Variants in KCNN3 observed in about 807,000 individuals in gnomAD.
KCNN3 encodes the protein potassium calcium-activated channel subfamily N member 3.
KCNN3 carries 16 observed loss-of-function variants against 62.9 expected under a neutral mutation model. That is an observed-to-expected ratio of 0.25 (90% CI 0.17 to 0.39). The LOEUF is 0.39. Among genes scored for constraint, KCNN3 ranks in the 10% least tolerant of loss-of-function variants. The pLI, the probability that KCNN3 is intolerant of heterozygous loss-of-function variation, is 1.00. For synonymous variants in KCNN3, 370 were observed against 389.2 expected (o/e 0.95, Z 0.58); for missense variants, 599 against 949.4 (o/e 0.63, Z 4.85).
intron 2 of KCNN3, among the ~76,000 whole-genome samples, chr1:154,793,644 G>A (rs1189815748): frequency 6.6e-6 from 1 of 152,154 alleles, no homozygotes; most frequent in African/African-American, 2.4e-5. Context: ...TCACTATGCT[G>A]GGGACTGTTA....
chr1:154,813,859 G>A (rs1650543071), intron 2 of KCNN3, among the ~76,000 whole-genome samples: 1 of 152,248 alleles, frequency 6.6e-6, no homozygotes, highest in Admixed American at 6.5e-5. Flanking sequence ...AGGGAGAGCA[G>A]CCGGGGGCCC....
chr1:154,846,512 A>ACACG (rs1652066332), intron 1 of KCNN3, among the ~76,000 whole-genome samples: 1 of 152,166 alleles, frequency 6.6e-6, no homozygotes, highest in African/African-American at 2.4e-5. Context: ...GCCGGTACAC[A>ACACG]GCAATAACAA....
chr1:154,741,925 T>C (rs1700828859), intron 3 of KCNN3, among the ~76,000 whole-genome samples: 1 of 152,244 alleles, frequency 6.6e-6, no homozygotes, highest in Non-Finnish European at 1.5e-5. Flanking sequence ...CTGTGAACCC[T>C]GTGCTTGCGA....
intron 1 of KCNN3, among the ~76,000 whole-genome samples, chr1:154,866,666 T>A (rs946933364): frequency 6.6e-6 from 1 of 152,202 alleles, no homozygotes; most frequent in Non-Finnish European, 1.5e-5. Flanking sequence ...GCAAGTTAAA[T>A]GAGCTCTGCT....
intron 7 of KCNN3, among the ~76,000 whole-genome samples, chr1:154,708,963 G>A (rs1445845566): frequency 1.3e-5 from 2 of 152,038 alleles, no homozygotes; most frequent in Non-Finnish European, 2.9e-5. Flanking sequence ...TCCCTGAAGG[G>A]CCACTCTGAA....
intron 5 of KCNN3, among the ~76,000 whole-genome samples, chr1:154,717,146 C>A (rs969871292): frequency 3.3e-5 from 5 of 152,330 alleles, no homozygotes; most frequent in African/African-American, 1.2e-4. Flanking sequence ...GGTGCAGCCA[C>A]AGGTCTGAGT....
intron 1 of KCNN3, among the ~76,000 whole-genome samples, chr1:154,863,369 T>C (rs1434686992): frequency 1.3e-5 from 2 of 152,226 alleles, no homozygotes; most frequent in African/African-American, 4.8e-5. Flanking sequence ...TAAAGAGGAA[T>C]AGGTGCCTTG....
chr1:154,813,069 T>C (rs528130207), intron 2 of KCNN3, among the ~76,000 whole-genome samples: 5 of 152,322 alleles, frequency 3.3e-5, no homozygotes, highest in South Asian at 4.1e-4. Flanking sequence ...ACAACTGAGA[T>C]TGAGCTAGAA....
At chr1:154,760,594 C>T (rs898423558) in intron 3 of KCNN3, among the ~76,000 whole-genome samples, 1 of 152,334 alleles carries the variant, frequency 6.6e-6, no homozygotes, top group East Asian at 1.9e-4. Context: ...GCCCTCCCTG[C>T]GCCCCCTGGC....
intron 1 of KCNN3, among the ~76,000 whole-genome samples, chr1:154,828,642 A>T (rs1651246478): frequency 1.3e-5 from 2 of 152,220 alleles, no homozygotes; most frequent in South Asian, 4.1e-4. Context: ...TCTGCAAACA[A>T]GAACTACCCT....
intron 3 of KCNN3, among the ~76,000 whole-genome samples, chr1:154,741,233 C>A (rs1289620203): frequency 6.6e-6 from 1 of 152,200 alleles, no homozygotes; most frequent in Non-Finnish European, 1.5e-5. Context: ...GCTTTCAATG[C>A]TCCCTCTGTC....
chr1:154,775,881 A>G (rs1648767865), intron 2 of KCNN3, among the ~76,000 whole-genome samples: 1 of 152,222 alleles, frequency 6.6e-6, no homozygotes, highest in Non-Finnish European at 1.5e-5. Context: ...CTCTTCAAAT[A>G]CAAAATTAAA....
intron 1 of KCNN3, among the ~76,000 whole-genome samples, chr1:154,858,487 T>C (rs917165275): frequency 5.9e-5 from 9 of 152,214 alleles, no homozygotes; most frequent in African/African-American, 2.2e-4. Context: ...GCCTGTGCTC[T>C]CTTAGGAAGA....
chr1:154,733,819 C>A (rs953643678), intron 3 of KCNN3, among the ~76,000 whole-genome samples: 2 of 152,212 alleles, frequency 1.3e-5, no homozygotes, highest in African/African-American at 4.8e-5. Context: ...CATCCCCTTC[C>A]TCCCTCCCTT....
At chr1:154,766,540 A>T (rs968160143) in intron 3 of KCNN3, among the ~76,000 whole-genome samples, 1 of 148,680 alleles carries the variant, frequency 6.7e-6, no homozygotes, top group Non-Finnish European at 1.5e-5. Flanking sequence ...GTCCATGAGG[A>T]ACCACAGTGC....
At chr1:154,749,687 G>A (rs987291043) in intron 3 of KCNN3, among the ~76,000 whole-genome samples, 1 of 152,144 alleles carries the variant, frequency 6.6e-6, no homozygotes, top group Non-Finnish European at 1.5e-5. Context: ...GAGAGAGGAA[G>A]ATAGAGAAAG....
intron 3 of KCNN3, among the ~76,000 whole-genome samples, chr1:154,750,925 G>T (rs1473474710): frequency 6.6e-6 from 1 of 152,252 alleles, no homozygotes; most frequent in African/African-American, 2.4e-5. Flanking sequence ...GGCCTGGGCA[G>T]CAGGGGCCTG....
intron 2 of KCNN3, among the ~76,000 whole-genome samples, chr1:154,821,666 A>G (rs1313443792): frequency 6.6e-6 from 1 of 152,228 alleles, no homozygotes; most frequent in Non-Finnish European, 1.5e-5. Context: ...AGTTTGGTGC[A>G]GCATATGTGG....
chr1:154,725,516 G>A (rs1024300814), intron 5 of KCNN3, among the ~76,000 whole-genome samples: 3 of 150,094 alleles, frequency 2.0e-5, no homozygotes, highest in Non-Finnish European at 4.4e-5. Context: ...AAACCCATAC[G>A]ACATGACCAT....
Sources: allele counts gnomAD v4.1 joint callset (sites outside exome capture counted in the v4.1 genomes callset), GRCh38; gene constraint gnomAD v4.1.1; transcripts MANE v1.5; gene names NCBI Gene and HGNC (gene_info 2026-07-23, HGNC 2026-07-21).